The following ZC3H3 variants were observed in gnomAD, a reference collection of about 807,000 sequenced individuals.
The protein encoded by ZC3H3 is zinc finger CCCH domain-containing protein 3.
ZC3H3 carries 36 observed loss-of-function variants against 77.3 expected under a neutral mutation model. That is an observed-to-expected ratio of 0.47 (90% confidence interval 0.36 to 0.61). The LOEUF (loss-of-function observed/expected upper bound fraction) is 0.61, where lower values mean the gene tolerates loss of function less well. Ranked by LOEUF, ZC3H3 falls within the 20% of genes least tolerant of loss-of-function variation. The pLI, the probability that ZC3H3 is intolerant of heterozygous loss-of-function variation, is 0.00. For missense variants in ZC3H3, 1,331 were observed against 1,312.2 expected (o/e 1.01, Z -0.22); for synonymous variants, 626 against 555.2 (o/e 1.13, Z -1.79).
chr8:143,459,391 C>A (rs545142040), intron 9 of ZC3H3, among the ~76,000 whole-genome samples: 154 of 152,180 alleles, frequency 1.0e-3, no homozygotes, highest in African/African-American at 3.3e-3. Context: ...TCTACTAAAA[C>A]TACAAAAATT....
chr8:143,467,000 G>A (rs965961865), intron 8 of ZC3H3, among the ~76,000 whole-genome samples: 9 of 152,192 alleles, frequency 5.9e-5, no homozygotes, highest in African/African-American at 1.7e-4. Flanking sequence ...GAGAGCCAGC[G>A]GCCAGGGCTG....
At chr8:143,489,558 T>A (rs1821142864) in intron 4 of ZC3H3, among the ~76,000 whole-genome samples, 1 of 152,078 alleles carries the variant, frequency 6.6e-6, no homozygotes, top group Non-Finnish European at 1.5e-5. Flanking sequence ...AGGGGGCGCC[T>A]TGCCCCTGTC....
rs748252368 is a variant in ZC3H3 at position 143,440,213 on chromosome 8, G to GGAT, written c.2640_2642dup (p.Ser881dup). 7 of 1,605,160 alleles carry GGAT rather than the reference G, an allele frequency of 4.4e-6. No individual in the cohort carries two copies. The highest frequency in any genetic ancestry group is 2.2e-5 in the East Asian group (1 of 44,494). On this transcript the variant is annotated inframe_insertion, in exon 11 of 12. Transcript: ENST00000262577. ...CCTCGTGGTCCAAGGAAGCGGGAGGGGATGAGGAGGAGGAGGAGGAGGAGG... is the reference window on the plus strand; with the variant it reads ...CCTCGTGGTCCAAGGAAGCGGGAGGGGATGATGAGGAGGAGGAGGAGGAGGAGG...
At chr8:143,443,558 T>G (rs1458582137) in intron 9 of ZC3H3, among the ~76,000 whole-genome samples, 5 of 152,178 alleles carry the variant, frequency 3.3e-5, no homozygotes, top group African/African-American at 1.2e-4. Context: ...CTTAAATGCT[T>G]ATATCACAAC....
intron 4 of ZC3H3, among the ~76,000 whole-genome samples, chr8:143,479,301 C>A (rs577239068): frequency 4.6e-5 from 7 of 152,266 alleles, no homozygotes; most frequent in African/African-American, 1.7e-4. Context: ...GTGGGTGTCA[C>A]AGCACTCCAG....
chr8:143,534,166 C>T (rs921564294), intron 3 of ZC3H3, among the ~76,000 whole-genome samples: 5 of 152,004 alleles, frequency 3.3e-5, no homozygotes, highest in Non-Finnish European at 7.4e-5. Context: ...CACCTGTAGT[C>T]CCAGCTATTC....
intron 4 of ZC3H3, among the ~76,000 whole-genome samples, chr8:143,507,464 C>T (rs1344965206): frequency 6.6e-6 from 1 of 152,280 alleles, no homozygotes; most frequent in African/African-American, 2.4e-5. Context: ...ACAGAGCCCT[C>T]ACCAGCTAAT....
chr8:143,517,533 T>A (rs1311728855), intron 3 of ZC3H3, among the ~76,000 whole-genome samples: 2 of 152,128 alleles, frequency 1.3e-5, no homozygotes, highest in Non-Finnish European at 2.9e-5. Flanking sequence ...GGTGTGTGTG[T>A]GGCCAAGCGT....
chr8:143,495,253 A>G (rs747806629), intron 4 of ZC3H3, among the ~76,000 whole-genome samples: 29 of 152,242 alleles, frequency 1.9e-4, no homozygotes, highest in Non-Finnish European at 3.5e-4. Flanking sequence ...GAAGCCAGCA[A>G]TGACACGAGC....
chr8:143,449,172 T>C (rs1444791101), intron 9 of ZC3H3, among the ~76,000 whole-genome samples: 1 of 152,222 alleles, frequency 6.6e-6, no homozygotes, highest in African/African-American at 2.4e-5. Flanking sequence ...GAAATGCCTC[T>C]GAGGCTTTCT....
At chr8:143,457,066 G>C (rs1335542106) in intron 9 of ZC3H3, among the ~76,000 whole-genome samples, 1 of 152,166 alleles carries the variant, frequency 6.6e-6, no homozygotes, top group Non-Finnish European at 1.5e-5. Context: ...CAAGGATATA[G>C]AGAACTCAAA....
chr8:143,448,400 G>C (rs1322426693), intron 9 of ZC3H3, among the ~76,000 whole-genome samples: 2 of 152,176 alleles, frequency 1.3e-5, no homozygotes, highest in South Asian at 4.1e-4. Flanking sequence ...GGAGGCATAG[G>C]TATTGGGTAA....
At chr8:143,441,994 CG>C in intron 9 of ZC3H3, among the ~76,000 whole-genome samples, 1 of 152,300 alleles carries the variant, frequency 6.6e-6, no homozygotes, top group Admixed American at 6.5e-5. Context: ...AAATCTGTCA[CG>C]GCACTAGAGT....
At chr8:143,540,219 T>C (rs1270200934) in intron 1 of ZC3H3, among the ~76,000 whole-genome samples, 2 of 86,006 alleles carry the variant, frequency 2.3e-5, no homozygotes, top group African/African-American at 1.3e-4. Context: ...TTTTAAAGCT[T>C]TTTTTTGTTT....
chr8:143,457,824 A>G (rs1375328610), intron 9 of ZC3H3, among the ~76,000 whole-genome samples: 2 of 152,094 alleles, frequency 1.3e-5, no homozygotes, highest in Non-Finnish European at 1.5e-5. Context: ...CTATGATTGC[A>G]CCACTGCACT....
intron 3 of ZC3H3, among the ~76,000 whole-genome samples, chr8:143,521,991 T>C (rs1312620696): frequency 2.0e-5 from 3 of 152,132 alleles, no homozygotes; most frequent in Non-Finnish European, 4.4e-5. Context: ...GTGCCCTCTA[T>C]GGAAGGGTCA....
At chr8:143,489,073 G>T (rs972897808) in intron 4 of ZC3H3, among the ~76,000 whole-genome samples, 1 of 152,232 alleles carries the variant, frequency 6.6e-6, no homozygotes, top group African/African-American at 2.4e-5. Flanking sequence ...AGATGAAGGC[G>T]CTTCTCTGGG....
At chr8:143,482,817 T>A (rs1297819793) in intron 4 of ZC3H3, among the ~76,000 whole-genome samples, 1 of 151,968 alleles carries the variant, frequency 6.6e-6, no homozygotes, top group African/African-American at 2.4e-5. Context: ...CTCGGGGGCA[T>A]AAGTATGGTG....
At chr8:143,480,617 G>A (rs985533693) in intron 4 of ZC3H3, among the ~76,000 whole-genome samples, 6 of 152,204 alleles carry the variant, frequency 3.9e-5, no homozygotes, top group Admixed American at 2.6e-4. Flanking sequence ...CAGCACTTGC[G>A]CTCCCAGCAG....
Sources: allele counts gnomAD v4.1 joint callset (sites outside exome capture counted in the v4.1 genomes callset), GRCh38; gene constraint gnomAD v4.1.1; transcripts MANE v1.5; gene names NCBI Gene and HGNC (gene_info 2026-07-23, HGNC 2026-07-21).